TTC14: variants seen among roughly 807,000 people sequenced by gnomAD.
TTC14 encodes the protein tetratricopeptide repeat protein 14.
TTC14 carries 63 observed loss-of-function variants against 79.9 expected under a neutral mutation model. The observed-to-expected ratio is 0.79, with a 90% CI of 0.64 to 0.97. The LOEUF is 0.97. Ranked by LOEUF, TTC14 falls within the 50% of genes least tolerant of loss-of-function variation. The pLI, the probability that TTC14 is intolerant of heterozygous loss-of-function variation, is 0.00. For synonymous variants in TTC14, 335 were observed against 309.6 expected (o/e 1.08, Z -0.86); for missense variants, 895 against 894.0 (o/e 1.00, Z -0.01).
intron 10 of TTC14, 105 bp downstream of exon 10, chr3:180,607,870 T>G (rs757169308): frequency 5.9e-6 from 9 of 1,513,064 alleles, no homozygotes; most frequent in Non-Finnish European, 7.9e-6. Flanking sequence ...TAAGGCATTA[T>G]GAAAAGTTTC....
chr3:180,603,353 C>T lies in TTC14; in HGVS notation c.486+30C>T, dbSNP rs765809016. On this transcript the variant is annotated intron_variant, in intron 3 of 11. Transcript: ENST00000296015. ...GTTATTTTTGTTACTTGGATTGCTT[C>T]TGTTTTTGTTAACGCATCTCAATGC... 5.0e-6 allele frequency: 8 copies of T among 1,589,382 alleles called. No individual in the cohort carries two copies. The Admixed American group carries it at 1.3e-4, about 27-fold the overall frequency.
chr3:180,617,465 C>G (rs543448659), exon 13 of TTC14: 30 of 687,930 alleles, frequency 4.4e-5, no homozygotes, highest in South Asian at 4.1e-4. Context: ...GCATTGTTAT[C>G]ATAGATGACA....
At chr3:180,603,536 T>C in intron 3 of TTC14, 1 of 540,096 alleles carries the variant, frequency 1.9e-6, no homozygotes. Flanking sequence ...AAATTTAAAC[T>C]GGTTGGCAGG....
chr3:180,606,243 T>A lies in TTC14; in HGVS notation c.930-10T>A. 6.2e-7 allele frequency: 1 copy of A among 1,613,222 alleles called. No individual in the cohort carries two copies. The highest frequency in any genetic ancestry group is 8.5e-7 in the Non-Finnish European group (1 of 1,179,770). ...AAGTGTTTGTGATGCTTTACAAATGTCTTTTTTAGTGTGAAGATCGGAGTT... is the reference window on the plus strand; with the variant it reads ...AAGTGTTTGTGATGCTTTACAAATGACTTTTTTAGTGTGAAGATCGGAGTT... On this transcript the variant is annotated splice_polypyrimidine_tract_variant and intron_variant, in intron 7 of 11. Coordinates refer to ENST00000296015, the MANE Select transcript of TTC14 (RefSeq NM_133462.4).
At position 180,605,797 on chromosome 3, in the gene TTC14, G is replaced by A. The variant is rs773906311; in HGVS notation, c.889G>A (p.Ala297Thr). Residue 297 changes from alanine (A) to threonine (T), a missense_variant, in exon 7 of 12, where the codon GCA becomes ACA. Coordinates refer to ENST00000296015, the MANE Select transcript of TTC14 (RefSeq NM_133462.4). ...KNFSEDDFAS[A>T]LRKKQSASWA... ...TTTCTCTGAAGATGATTTTGCTTCT[G>A]CATTGAGAAAAAAACAATCCGCATC... The A allele has an allele frequency of 1.3e-6, 2 of 1,568,420 alleles. No homozygotes were observed. The highest frequency in any genetic ancestry group is 2.2e-5 in the Admixed American group (1 of 45,034).
In TTC14 at chr3:180,607,679, G is replaced by GA; in HGVS notation, c.1207dup (p.Ser403LysfsTer4). The stretch of plus-strand genomic sequence containing the variant: ...AGAAGAAGAAAAGTTTTTAAATGCT[G>GA]AAAGTTACTATAAGAAAGCTTTGGC... On this transcript the variant is annotated frameshift_variant, in exon 10 of 12. Coordinates refer to ENST00000296015, the MANE Select transcript of TTC14 (RefSeq NM_133462.4). LOFTEE classifies it high-confidence loss of function. 6.2e-7 allele frequency: 1 copy of GA among 1,605,976 alleles called. No homozygotes were observed. The highest frequency in any genetic ancestry group is 1.3e-5 in the African/African-American group (1 of 74,576).
downstream of TTC14, among the ~76,000 whole-genome samples, chr3:180,612,115 T>C (rs534452467): frequency 6.6e-6 from 1 of 152,318 alleles, no homozygotes; most frequent in East Asian, 1.9e-4. Context: ...GAGTCCTTAA[T>C]AATTCTATGT....
At position 180,606,378 on chromosome 3, in the gene TTC14, T is replaced by TG; in HGVS notation, c.1049+7dup. ...TTGGTAGCTCGTGGAGCATTGTAAG[T>TG]GAATCATACATGGATTTTAAGGAAT... On this transcript the variant is annotated splice_region_variant and intron_variant, in intron 8 of 11. Coordinates refer to ENST00000296015, the MANE Select transcript of TTC14 (RefSeq NM_133462.4). 6.2e-7 allele frequency: 1 copy of TG among 1,613,952 alleles called. No individual in the cohort carries two copies. The highest frequency in any genetic ancestry group is 8.5e-7 in the Non-Finnish European group (1 of 1,179,924).
At chr3:180,603,344 G>T in intron 3 of TTC14, 21 bp downstream of exon 3, 1 of 1,602,324 alleles carries the variant, frequency 6.2e-7, no homozygotes, top group South Asian at 1.1e-5. Context: ...TTTGTTACTT[G>T]GATTGCTTCT....
At position 180,616,684 on chromosome 3, in the gene TTC14, G is replaced by A. The variant is rs778467466; in HGVS notation, c.1775-696G>A. On this transcript the variant is annotated intron_variant, in intron 12 of 12. Transcript: ENST00000382584. ...CTTTCAAAAGACGGATTTCCTTTGTGAGTTTTGCACACTGTTGGTAAATAA... is the reference window on the plus strand; with the variant it reads ...CTTTCAAAAGACGGATTTCCTTTGTAAGTTTTGCACACTGTTGGTAAATAA... 3 of 1,588,772 alleles carry A rather than the reference G, an allele frequency of 1.9e-6. No homozygotes were observed. Among genetic ancestry groups the A allele is most frequent in the Non-Finnish European group, 2.6e-6 (3 of 1,165,810 alleles).
At chr3:180,612,651 C>G (rs527455811), downstream of TTC14, among the ~76,000 whole-genome samples, 4 of 151,338 alleles carry the variant, frequency 2.6e-5, 1 homozygote, top group African/African-American at 9.8e-5. Context: ...GCGGGAGGAT[C>G]GCTTGAGCCC....
chr3:180,609,670 G>GT lies in TTC14; in HGVS notation c.1444dup (p.Ser482PhefsTer4). The GT allele has an allele frequency of 6.3e-7, 1 of 1,585,680 alleles. No homozygotes were observed. Among genetic ancestry groups the GT allele is most frequent in the Non-Finnish European group, 8.5e-7 (1 of 1,171,756 alleles). On this transcript the variant is annotated frameshift_variant, in exon 12 of 12. Coordinates refer to ENST00000296015, the MANE Select transcript of TTC14 (RefSeq NM_133462.4). LOFTEE classifies it high-confidence loss of function. Reference sequence around the variant, plus strand: ...AAGAAAATCAACTTCTTCTTCAAGTGTTTCTTCTGCTGATGAATCAGTGTC... The same window carrying GT: ...AAGAAAATCAACTTCTTCTTCAAGTGTTTTCTTCTGCTGATGAATCAGTGTC...
At chr3:180,609,564 C>G in intron 11 of TTC14, 66 bp from the exon 12 acceptor site, 1 of 1,422,682 alleles carries the variant, frequency 7.0e-7, no homozygotes, top group South Asian at 1.7e-5. Flanking sequence ...CAAATAGGGC[C>G]CACATCTTTA....
intron 9 of TTC14, 21 bp from the exon 10 acceptor site, chr3:180,607,627 A>C: frequency 1.3e-6 from 2 of 1,593,948 alleles, no homozygotes; most frequent in Non-Finnish European, 1.7e-6. Context: ...CAAAAAAGCT[A>C]AATCTTTCTT....
chr3:180,608,607 G>T, intron 10 of TTC14, 94 bp from the exon 11 acceptor site: 1 of 1,353,400 alleles, frequency 7.4e-7, no homozygotes, highest in Non-Finnish European at 9.5e-7. Flanking sequence ...TTACTAAATT[G>T]GGTTTCTCGT....
rs749397443 is a variant in TTC14, at chr3:180,616,917, T to C, written c.1775-463T>C. The C allele has an allele frequency of 1.1e-5, 17 of 1,534,550 alleles. No homozygotes were observed. The South Asian group carries it at 2.0e-4, about 18-fold the overall frequency. ...AGCCTGCTTCTCTGATAACTTTTCT[T>C]TAACATTATTTGCCAAATGTTCTAT... On this transcript the variant is annotated intron_variant, in intron 12 of 12. Coordinates refer to the TTC14 transcript ENST00000382584.
intron 12 of TTC14, chr3:180,616,292 T>A: frequency 6.2e-7 from 1 of 1,613,076 alleles, no homozygotes; most frequent in South Asian, 1.1e-5. Flanking sequence ...TTGCTGATAG[T>A]GAAGTATGTG....
chr3:180,615,504 T>C (rs1717196924), downstream of TTC14, among the ~76,000 whole-genome samples: 1 of 152,112 alleles, frequency 6.6e-6, no homozygotes. Context: ...GGTGGGGTCA[T>C]TTGAAAAACA....
In TTC14 at chr3:180,608,769, A is replaced by G. The variant is rs775389654; in HGVS notation, c.1359A>G (p.Thr453=). ...EEKQKTKKIE[T]SAEKLRKLLK... ...AGCAGAAAACAAAGAAAATAGAAAC[A>G]AGTGCAGAAAAGTTGCGTAAGCTCT... The change falls in exon 11 of 12, where the codon ACA becomes ACG. Residue 453 remains threonine, a synonymous_variant. Coordinates refer to ENST00000296015, the MANE Select transcript of TTC14 (RefSeq NM_133462.4). 4.6e-5 allele frequency: 72 copies of G among 1,561,964 alleles called. 3 individuals are homozygous for G. In the South Asian group the frequency reaches 8.5e-4, roughly 19 times the overall value.
Sources: gnomAD v4.1 joint callset for allele counts (sites outside exome capture counted in the v4.1 genomes callset) on GRCh38, gnomAD v4.1.1 for gene constraint, MANE v1.5 for transcripts, NCBI Gene and HGNC (gene_info 2026-07-23, HGNC 2026-07-21) for gene names.